EYA4: variants seen among roughly 807,000 people sequenced by gnomAD.
The protein encoded by EYA4 is EYA transcriptional coactivator and phosphatase 4, also known as protein phosphatase EYA4.
EYA4 carries 31 observed loss-of-function variants against 87.9 expected under a neutral mutation model. That is an observed-to-expected ratio of 0.35 (90% CI 0.27 to 0.48). The LOEUF (loss-of-function observed/expected upper bound fraction) is 0.48. Among genes scored for constraint, EYA4 ranks in the 20% least tolerant of loss-of-function variants. The pLI, the probability that EYA4 is intolerant of heterozygous loss-of-function variation, is 0.99. For synonymous variants in EYA4, 263 were observed against 270.6 expected, an observed-to-expected ratio of 0.97 and a Z score of 0.28; for missense variants, 678 against 761.4, an observed-to-expected ratio of 0.89 and a Z score of 1.29.
At chr6:133,405,987 A>T (rs542833666) in intron 3 of EYA4, among the ~76,000 whole-genome samples, 1 of 151,652 alleles carries the variant, frequency 6.6e-6, no homozygotes, top group Non-Finnish European at 1.5e-5. Flanking sequence ...ACTGGAGAGC[A>T]GAGAGAATGC....
chr6:133,370,434 A>G (rs909290011), intron 2 of EYA4, among the ~76,000 whole-genome samples: 1 of 152,216 alleles, frequency 6.6e-6, no homozygotes, highest in East Asian at 1.9e-4. Flanking sequence ...TTTTTAGTAC[A>G]AGGATGATAG....
chr6:133,413,581 A>G (rs1789437694), intron 3 of EYA4, among the ~76,000 whole-genome samples: 1 of 151,906 alleles, frequency 6.6e-6, no homozygotes, highest in Non-Finnish European at 1.5e-5. Context: ...TTTTTCTGAT[A>G]TCATGTATAT....
chr6:133,336,331 T>G (rs1005353255), intron 2 of EYA4, among the ~76,000 whole-genome samples: 2 of 152,172 alleles, frequency 1.3e-5, no homozygotes, highest in Non-Finnish European at 2.9e-5. Context: ...AACTTCACAA[T>G]TAGTGGTACA....
At chr6:133,505,436 C>T (rs1237813794) in intron 13 of EYA4, among the ~76,000 whole-genome samples, 3 of 152,180 alleles carry the variant, frequency 2.0e-5, no homozygotes, top group African/African-American at 7.2e-5. Context: ...ACCTGGATTA[C>T]ACTTAGAGAA....
chr6:133,495,917 A>G (rs1406567011), intron 13 of EYA4, among the ~76,000 whole-genome samples: 2 of 152,184 alleles, frequency 1.3e-5, no homozygotes, highest in Non-Finnish European at 2.9e-5. Flanking sequence ...TCCTTGAGCA[A>G]ACTAATGAAC....
chr6:133,283,265 C>A (rs1386326998), intron 2 of EYA4, among the ~76,000 whole-genome samples: 2 of 151,536 alleles, frequency 1.3e-5, no homozygotes, highest in Non-Finnish European at 2.9e-5. Context: ...CTGTGCTCCA[C>A]CCTGAGCGAC....
At chr6:133,396,818 G>A (rs187645277) in intron 3 of EYA4, among the ~76,000 whole-genome samples, 15 of 152,194 alleles carry the variant, frequency 9.9e-5, no homozygotes, top group Admixed American at 7.9e-4. Context: ...TTCTTTCTGC[G>A]CAGGGCTGAC....
intron 2 of EYA4, among the ~76,000 whole-genome samples, chr6:133,338,136 CT>C (rs1216288164): frequency 6.6e-6 from 1 of 152,146 alleles, no homozygotes; most frequent in Non-Finnish European, 1.5e-5. Flanking sequence ...TTAGAGCTTA[CT>C]TTGTGGGCTT....
rs572209281 is a variant in EYA4 at position 133,263,980 on chromosome 6, G to A, written c.-65-10736G>A. Among the ~76,000 whole-genome samples the A allele has an allele frequency of 1.5e-4, 23 of 152,272 alleles. No homozygotes were observed. In the Middle Eastern group the frequency reaches 0.014, roughly 90 times the overall value. On this transcript the variant is annotated intron_variant, in intron 1 of 19. Coordinates refer to ENST00000355286, the MANE Select transcript of EYA4 (RefSeq NM_004100.5). The stretch of plus-strand genomic sequence containing the variant: ...TAAATCTTTTCCCAAGGGTATCTAG[G>A]GATTTAAAGCAGTAGGGAATGTACT...
At position 133,424,946 on chromosome 6, in the gene EYA4, C is replaced by T. The variant is rs961670669; in HGVS notation, c.84-21684C>T. 1.1e-4 allele frequency among the ~76,000 whole-genome samples: 16 copies of T among 150,838 alleles called. 1 individual carries two copies. The highest frequency in any genetic ancestry group is 3.7e-4 in the African/African-American group (15 of 40,290). The stretch of plus-strand genomic sequence containing the variant: ...GTGATGGCATCAACTACTGCCATCA[C>T]TACCACCTTCCTCCCTCCAATCTCT... On this transcript the variant is annotated intron_variant, in intron 3 of 19. Transcript: ENST00000355286.
chr6:133,268,326 G>A (rs1776393089), intron 1 of EYA4, among the ~76,000 whole-genome samples: 1 of 152,128 alleles, frequency 6.6e-6, no homozygotes, highest in Non-Finnish European at 1.5e-5. Context: ...CAAAGGTTTT[G>A]CTTTGTTTTG....
chr6:133,458,258 T>A (rs913118446), intron 6 of EYA4, among the ~76,000 whole-genome samples: 1 of 152,196 alleles, frequency 6.6e-6, no homozygotes. Context: ...AATTTTGTTT[T>A]TTATTTTCAT....
At chr6:133,407,446 T>G (rs1451116154) in intron 3 of EYA4, among the ~76,000 whole-genome samples, 1 of 152,070 alleles carries the variant, frequency 6.6e-6, no homozygotes, top group African/African-American at 2.4e-5. Context: ...TGTTACTCAC[T>G]CACCCCCGCC....
At chr6:133,496,535 T>C (rs1562488264) in intron 13 of EYA4, among the ~76,000 whole-genome samples, 1 of 152,186 alleles carries the variant, frequency 6.6e-6, no homozygotes, top group Admixed American at 6.5e-5. Context: ...AAGGTGTTCC[T>C]GAATCCTGGA....
In EYA4 at chr6:133,362,701, T is replaced by C. The variant is rs576116538; in HGVS notation, c.34-19691T>C. Among the ~76,000 whole-genome samples the C allele has an allele frequency of 3.9e-5, 6 of 152,314 alleles. No individual in the cohort carries two copies. In the South Asian group the frequency reaches 1.2e-3, roughly 32 times the overall value. On this transcript the variant is annotated intron_variant, in intron 2 of 19. Transcript: ENST00000355286. ...TCTGTAATGATCTTGCTGCCAAATA[T>C]AGAGCATTGCATGGAATGAAAATAG...
At chr6:133,355,255 T>C (rs1363630265) in intron 2 of EYA4, among the ~76,000 whole-genome samples, 7 of 152,090 alleles carry the variant, frequency 4.6e-5, no homozygotes, top group African/African-American at 1.4e-4. Context: ...CCTCCACCCT[T>C]CCAAGAGGCC....
chr6:133,464,699 T>C, intron 9 of EYA4, 80 bp from the exon 10 acceptor site: 2 of 917,614 alleles, frequency 2.2e-6, no homozygotes, highest in Non-Finnish European at 3.5e-6. Flanking sequence ...AGTGTTTCTC[T>C]CACAGAATTC....
chr6:133,344,122 A>G (rs1304183084), intron 2 of EYA4, among the ~76,000 whole-genome samples: 2 of 152,198 alleles, frequency 1.3e-5, no homozygotes, highest in African/African-American at 4.8e-5. Flanking sequence ...GAGCATTTAT[A>G]GGAGAAAGGC....
chr6:133,375,412 G>A (rs1238518086), intron 2 of EYA4, among the ~76,000 whole-genome samples: 1 of 151,754 alleles, frequency 6.6e-6, no homozygotes, highest in Non-Finnish European at 1.5e-5. Flanking sequence ...TGTAAAAATT[G>A]TTTATGTTTT....
Sources: gnomAD v4.1 joint callset for allele counts (sites outside exome capture counted in the v4.1 genomes callset) on GRCh38, gnomAD v4.1.1 for gene constraint, MANE v1.5 for transcripts, NCBI Gene and HGNC (gene_info 2026-07-23, HGNC 2026-07-21) for gene names.